The following AIFM1 variants were observed in gnomAD, a reference collection of about 807,000 sequenced individuals.
The protein encoded by AIFM1 is apoptosis-inducing factor 1, mitochondrial.
Under a neutral mutation model 51.7 loss-of-function variants are expected in AIFM1, and 3 were observed. That is an observed-to-expected ratio of 0.06 (90% CI 0.03 to 0.15). The LOEUF (loss-of-function observed/expected upper bound fraction) is 0.15, where lower values mean the gene tolerates loss of function less well. Among genes scored for constraint, AIFM1 ranks in the 10% least tolerant of loss-of-function variants. The pLI, the probability that AIFM1 is intolerant of heterozygous loss-of-function variation, is 1.00. For synonymous variants in AIFM1, 178 were observed against 179.4 expected (o/e 0.99, Z 0.06); for missense variants, 330 against 476.8 (o/e 0.69, Z 2.87).
At chrX:130,148,122 G>A (rs1246133682) in intron 3 of AIFM1, among the ~76,000 whole-genome samples, 1 of 112,216 alleles carries the variant, frequency 8.9e-6, no homozygotes, top group Non-Finnish European at 1.9e-5. Context: ...CATCAGGTCT[G>A]AACTGGTACT....
At position 130,133,438 on chromosome X, in the gene AIFM1, G is replaced by A. The variant is rs1346016915; in HGVS notation, c.1323C>T (p.Cys441=). The change falls in exon 13 of 16, where the codon TGC becomes TGT. Residue 441 remains cysteine, a synonymous_variant. Transcript: ENST00000287295. ...SNIWVAGDAA[C]FYDIKLGRRR... Reference sequence around the variant, plus strand: ...TCCTTCCCAACTTTATATCGTAGAAGCATGCAGCATCTCCTGCCTGTGGAA... The same window carrying A: ...TCCTTCCCAACTTTATATCGTAGAAACATGCAGCATCTCCTGCCTGTGGAA... 14 of 1,209,643 alleles carry A rather than the reference G, an allele frequency of 1.2e-5. No individual in the cohort carries two copies. The highest frequency in any genetic ancestry group is 1.6e-5 in the Non-Finnish European group (14 of 895,045).
At chrX:130,130,877 C>T (rs1048558462) in intron 14 of AIFM1, among the ~76,000 whole-genome samples, 1 of 111,929 alleles carries the variant, frequency 8.9e-6, no homozygotes. Context: ...ACTGTCCAGT[C>T]GACAAAGCAG....
chrX:130,161,887 G>A (rs955951416), intron 1 of AIFM1, among the ~76,000 whole-genome samples: 4 of 111,822 alleles, frequency 3.6e-5, no homozygotes, highest in Non-Finnish European at 7.5e-5. Flanking sequence ...GATTACAGGC[G>A]TGAGCCACCA....
chrX:130,162,111 G>A (rs1197281469), intron 1 of AIFM1, among the ~76,000 whole-genome samples: 1 of 112,050 alleles, frequency 8.9e-6, no homozygotes, highest in Non-Finnish European at 1.9e-5. Flanking sequence ...TTTACCATGT[G>A]CCAGAGATGG....
chrX:130,137,809 T>G, intron 9 of AIFM1: 3 of 896,529 alleles, frequency 3.3e-6, no homozygotes, highest in Non-Finnish European at 4.1e-6. Flanking sequence ...ACACCTATAA[T>G]CCCAGCACTT....
intron 11 of AIFM1, 30 bp from the exon 12 acceptor site, chrX:130,136,215 T>C (rs752218458): frequency 9.1e-6 from 11 of 1,207,684 alleles, no homozygotes; most frequent in Non-Finnish European, 1.1e-5. Flanking sequence ...ATTCAGTCAA[T>C]TACCACAGTT....
chrX:130,155,115 C>A, intron 2 of AIFM1: 1 of 1,206,450 alleles, frequency 8.3e-7, no homozygotes, highest in Non-Finnish European at 1.1e-6. Flanking sequence ...CATGGGCTCA[C>A]CCACCCTACC....
intron 1 of AIFM1, among the ~76,000 whole-genome samples, chrX:130,165,248 G>T: frequency 1.3e-5 from 1 of 79,656 alleles, no homozygotes; most frequent in Admixed American, 1.7e-4. Flanking sequence ...AAAAAGGGGG[G>T]TGGGGGGTGG....
chrX:130,152,155 C>T (rs1233599354), intron 2 of AIFM1, among the ~76,000 whole-genome samples: 5 of 111,134 alleles, frequency 4.5e-5, no homozygotes, highest in African/African-American at 1.3e-4. Flanking sequence ...AAAAGTTTTA[C>T]CTAAAAAGAT....
At chrX:130,131,230 G>A (rs904572290) in intron 14 of AIFM1, among the ~76,000 whole-genome samples, 4 of 111,903 alleles carry the variant, frequency 3.6e-5, no homozygotes, top group Non-Finnish European at 7.5e-5. Context: ...TCCTCCCTGC[G>A]CAGGACCCAT....
intron 13 of AIFM1, 65 bp downstream of exon 13, chrX:130,133,248 C>A: frequency 8.4e-7 from 1 of 1,189,136 alleles, no homozygotes; most frequent in East Asian, 3.0e-5. Flanking sequence ...AACCATAACT[C>A]TGTGTTATGG....
At chrX:130,132,548 CTTTTT>C (rs1166444028) in intron 13 of AIFM1, among the ~76,000 whole-genome samples, 2 of 111,690 alleles carry the variant, frequency 1.8e-5, no homozygotes, top group South Asian at 7.3e-4. Flanking sequence ...CTCCACTTTT[CTTTTT>C]TTTAACTTTT....
chrX:130,154,576 T>C (rs2031102933), intron 2 of AIFM1, among the ~76,000 whole-genome samples: 1 of 112,093 alleles, frequency 8.9e-6, no homozygotes, highest in Non-Finnish European at 1.9e-5. Flanking sequence ...AATTAGAGAT[T>C]ACAAAGGGAC....
Position 130,165,800 on chromosome X carries a change from T to A in AIFM1, c.-144A>T, listed in dbSNP as rs966211087. On this transcript the variant is annotated 5_prime_UTR_variant, in exon 1 of 16. The change abolishes an upstream ATG in the 5' untranslated region. Coordinates refer to ENST00000287295, the MANE Select transcript of AIFM1 (RefSeq NM_004208.4). ...TCCTCCTCCCAGCTCCGGGTGGGCATTGGACAGAGAAGCCGGCCTGCTAGA... is the reference window on the plus strand; with the variant it reads ...TCCTCCTCCCAGCTCCGGGTGGGCAATGGACAGAGAAGCCGGCCTGCTAGA... The A allele has an allele frequency of 8.9e-6, 5 of 560,558 alleles. No homozygotes were observed. The highest frequency in any genetic ancestry group is 2.3e-5 in the African/African-American group (1 of 44,243). 46.2% of individuals were successfully genotyped at this position (560,558 alleles called of 1,213,427 possible).
At chrX:130,140,674 TTTTA>T in intron 6 of AIFM1, 57 bp from the exon 7 acceptor site, 1 of 915,346 alleles carries the variant, frequency 1.1e-6, no homozygotes. Flanking sequence ...ATTGAAAAAG[TTTTA>T]TTGAGATATA....
intron 1 of AIFM1, among the ~76,000 whole-genome samples, chrX:130,164,381 T>C (rs747074303): frequency 8.9e-6 from 1 of 112,545 alleles, no homozygotes; most frequent in South Asian, 3.6e-4. Context: ...GCATAGCAAC[T>C]GGAAAAACTG....
chrX:130,147,527 G>A lies in AIFM1; in HGVS notation c.571C>T (p.Leu191=). The A allele has an allele frequency of 8.3e-7, 1 of 1,211,982 alleles. No homozygotes were observed. The part of the protein sequence containing the change: ...FSDDPNVTKT[L]RFKQWNGKER... ...TTTCCATTCCACTGTTTGAATCGCA[G>A]TGTCTTTGTGACATTTGGGTCATCT... Residue 191 remains leucine, a synonymous_variant, in exon 5 of 16, where the codon CTG becomes TTG. Coordinates refer to ENST00000287295, the MANE Select transcript of AIFM1 (RefSeq NM_004208.4).
At chrX:130,165,172 G>A (rs1226453110) in intron 1 of AIFM1, among the ~76,000 whole-genome samples, 1 of 103,789 alleles carries the variant, frequency 9.6e-6, no homozygotes, top group Non-Finnish European at 1.9e-5. Context: ...CTTAGGCGTA[G>A]GGCTTAAACG....
intron 5 of AIFM1, among the ~76,000 whole-genome samples, chrX:130,147,127 A>G (rs2030787816): frequency 9.0e-6 from 1 of 111,721 alleles, no homozygotes; most frequent in African/African-American, 3.3e-5. Flanking sequence ...GCGCCACTGC[A>G]CTCCAGCCTG....
Sources: allele counts gnomAD v4.1 joint callset (sites outside exome capture counted in the v4.1 genomes callset), GRCh38; gene constraint gnomAD v4.1.1; transcripts MANE v1.5; gene names NCBI Gene and HGNC (gene_info 2026-07-23, HGNC 2026-07-21).